The following USO1 variants were observed in gnomAD, a reference collection of about 807,000 sequenced individuals.
The protein encoded by USO1 is general vesicular transport factor p115.
In USO1, 57 loss-of-function variants were observed where a neutral mutation model predicts 124.5. The ratio of observed to expected loss-of-function variants is 0.46; its 90% CI spans 0.37 to 0.57. USO1 has a LOEUF of 0.57. Ranked by LOEUF, USO1 falls within the 20% of genes least tolerant of loss-of-function variation. The pLI, the probability that USO1 is intolerant of heterozygous loss-of-function variation, is 0.00. For missense variants in USO1, 900 were observed against 1,040.6 expected (o/e 0.86, Z 1.86); for synonymous variants, 369 against 362.8 (o/e 1.02, Z -0.19).
At position 75,805,173 on chromosome 4, in the gene USO1, AG is replaced by A; in HGVS notation, c.2164del (p.Ala722LeufsTer3). 1 of 1,609,572 alleles carries A rather than the reference AG, an allele frequency of 6.2e-7. No individual in the cohort carries two copies. Among genetic ancestry groups the A allele is most frequent in the Non-Finnish European group, 8.5e-7 (1 of 1,178,056 alleles). ...AATCAGCATCAAGGTTCTTACAGTG[AG>A]GGGGCTCAGATGAATGGCATTCAGC... is the stretch of plus-strand genomic sequence containing the variant. ...KDNQHQGSYSEGAQMNGIQPE... is the reference protein window; with the variant it reads ...KDNQHQGSYSXGAQMNGIQPE... On this transcript the variant is annotated frameshift_variant, in exon 19 of 24. Transcript: ENST00000514213. LOFTEE classifies it high-confidence loss of function.
chr4:75,747,900 CTTTTTTTTTTTTT>C (rs34689475), intron 1 of USO1, among the ~76,000 whole-genome samples: 3 of 44,288 alleles, frequency 6.8e-5, no homozygotes, highest in African/African-American at 1.8e-4. Flanking sequence ...CTCACCTGGC[CTTTTTTTTTTTTT>C]TTTTTTTTTT....
At chr4:75,727,786 A>G (rs572158911) in intron 1 of USO1, among the ~76,000 whole-genome samples, 1 of 152,076 alleles carries the variant, frequency 6.6e-6, no homozygotes, top group African/African-American at 2.4e-5. Flanking sequence ...CTTTTTTCCA[A>G]TGGAAGGGCT....
chr4:75,738,405 C>T (rs558780052), intron 1 of USO1, among the ~76,000 whole-genome samples: 5 of 151,590 alleles, frequency 3.3e-5, no homozygotes, highest in Non-Finnish European at 5.9e-5. Flanking sequence ...TGCAGTGAGC[C>T]GAGATCACTC....
At chr4:75,749,088 G>A (rs1721222389) in intron 1 of USO1, among the ~76,000 whole-genome samples, 1 of 152,098 alleles carries the variant, frequency 6.6e-6, no homozygotes, top group Non-Finnish European at 1.5e-5. Flanking sequence ...AAGAAAGAAT[G>A]TAAAGCTAGG....
intron 1 of USO1, among the ~76,000 whole-genome samples, chr4:75,747,796 T>C (rs1366472800): frequency 6.6e-6 from 1 of 150,844 alleles, no homozygotes; most frequent in Non-Finnish European, 1.5e-5. Flanking sequence ...TTTTTTTTTT[T>C]AGTAGAGATG....
Position 75,812,116 on chromosome 4 carries a change from G to A in USO1, c.2584-44G>A, listed in dbSNP as rs563370952. 3.1e-5 allele frequency: 48 copies of A among 1,554,518 alleles called. No individual in the cohort carries two copies. In the South Asian group the frequency reaches 5.4e-4, roughly 17 times the overall value. ...TATTTGTTAAAAACTCTAGGAAAGT[G>A]AGTGCTAATTTTAGATTCCTGCCTT... On this transcript the variant is annotated intron_variant, in intron 22 of 23. Coordinates refer to ENST00000514213, the MANE Select transcript of USO1 (RefSeq NM_003715.4).
intron 5 of USO1, 75 bp from the exon 6 acceptor site, chr4:75,770,747 G>A: frequency 3.8e-6 from 6 of 1,564,944 alleles, no homozygotes; most frequent in Non-Finnish European, 4.3e-6. Flanking sequence ...TCTGGTAAAA[G>A]TTATTAGTGG....
chr4:75,809,905 A>G (rs1407348458), intron 21 of USO1, among the ~76,000 whole-genome samples: 1 of 152,174 alleles, frequency 6.6e-6, no homozygotes, highest in African/African-American at 2.4e-5. Flanking sequence ...AGCTACTTCC[A>G]CATTTTTAGA....
At chr4:75,806,983 G>A (rs1723016678) in intron 20 of USO1, among the ~76,000 whole-genome samples, 1 of 152,016 alleles carries the variant, frequency 6.6e-6, no homozygotes. Context: ...AATTGGAAAA[G>A]AGAAGAAAGG....
Position 75,810,478 on chromosome 4 carries a change from C to G in USO1, c.2522C>G (p.Thr841Ser). 2 of 1,612,980 alleles carry G rather than the reference C, an allele frequency of 1.2e-6. No homozygotes were observed. The highest frequency in any genetic ancestry group is 1.7e-6 in the Non-Finnish European group (2 of 1,179,568). ...VQGETETIIA[T>S]KTTDVEGRLS... ...GGAGAGACCGAGACTATAATAGCCA[C>G]CAAAACTACTGATGTAGAAGGAAGA... The change falls in exon 22 of 24, where the codon ACC becomes AGC. Residue 841 changes from threonine (T) to serine (S), a missense_variant. By Grantham distance (58) the Thr-to-Ser change is moderately conservative (BLOSUM62 1). Around this residue, in one of 2 missense-constraint regions of USO1, gnomAD observed 362 missense variants for 359.0 expected, o/e 1.01. Coordinates refer to ENST00000514213, the MANE Select transcript of USO1 (RefSeq NM_003715.4).
intron 20 of USO1, 123 bp from the exon 21 acceptor site, chr4:75,808,830 C>A: frequency 2.6e-6 from 3 of 1,136,662 alleles, no homozygotes; most frequent in Non-Finnish European, 2.4e-6. Flanking sequence ...AAGAATAGTT[C>A]TTTAGAGTTA....
intron 1 of USO1, among the ~76,000 whole-genome samples, chr4:75,741,480 A>G (rs1229097507): frequency 6.6e-6 from 1 of 152,058 alleles, no homozygotes. Context: ...AAAGTTTTAA[A>G]CTTTTTTTAA....
chr4:75,751,867 T>C (rs1394998460), intron 1 of USO1, among the ~76,000 whole-genome samples: 1 of 152,098 alleles, frequency 6.6e-6, no homozygotes, highest in Non-Finnish European at 1.5e-5. Context: ...TTCTATAAAT[T>C]ATTTTATAAT....
chr4:75,807,663 A>G (rs1340076358), intron 20 of USO1, among the ~76,000 whole-genome samples: 1 of 149,860 alleles, frequency 6.7e-6, no homozygotes, highest in Non-Finnish European at 1.5e-5. Flanking sequence ...GAAGATTAAT[A>G]TGCTCTTTTG....
At position 75,806,571 on chromosome 4, in the gene USO1, A is replaced by G; in HGVS notation, c.2375A>G (p.Gln792Arg). The change falls in exon 20 of 24, where the codon CAG (glutamine) becomes CGG (arginine). Residue 792 changes from glutamine to arginine, a missense_variant and splice_region_variant. Physicochemically the swap from Gln to Arg is conservative, Grantham distance 43. Coordinates refer to ENST00000514213, the MANE Select transcript of USO1 (RefSeq NM_003715.4). ...RDSEQVAELK[Q>R]ELATLKSQLN... ...TCTGAACAAGTTGCAGAATTAAAAC[A>G]GGTAATTTTCCACTTTGATCCAATT... is the stretch of plus-strand genomic sequence containing the variant. 1.9e-6 allele frequency: 3 copies of G among 1,553,126 alleles called. No homozygotes were observed. The highest frequency in any genetic ancestry group is 2.4e-5 in the East Asian group (1 of 41,232).
intron 22 of USO1, among the ~76,000 whole-genome samples, chr4:75,810,967 G>A (rs995866427): frequency 4.6e-5 from 7 of 152,046 alleles, no homozygotes; most frequent in African/African-American, 1.2e-4. Flanking sequence ...TTGACCTCGT[G>A]ATCCACCTGC....
At position 75,724,842 on chromosome 4, in the gene USO1, TG is replaced by T; in HGVS notation, c.29del (p.Gly10ValfsTer21). On this transcript the variant is annotated frameshift_variant, in exon 1 of 24. Transcript: ENST00000514213. LOFTEE classifies it high-confidence loss of function. ...AAGATGAATTTCCTCCGCGGGGTAA[TG>T]GGGGGTCAGAGTGCCGGACCCCAGC... Reference protein sequence around the residue: MNFLRGVMGGQSAGPQHT... With the variant: MNFLRGVXGGQSAGPQHT... 1 of 1,612,528 alleles carries T rather than the reference TG, an allele frequency of 6.2e-7. No individual in the cohort carries two copies. Among genetic ancestry groups the T allele is most frequent in the Non-Finnish European group, 8.5e-7 (1 of 1,179,458 alleles).
intron 1 of USO1, among the ~76,000 whole-genome samples, chr4:75,737,816 CATTATTATTATT>C (rs201525951): frequency 6.6e-6 from 1 of 150,916 alleles, no homozygotes; most frequent in African/African-American, 2.4e-5. Context: ...AAATATAATA[CATTATTATTATT>C]ATTATTATTG....
At chr4:75,800,562 ATGTTT>A in intron 15 of USO1, 51 bp from the exon 16 acceptor site, 1 of 1,420,314 alleles carries the variant, frequency 7.0e-7, no homozygotes, top group East Asian at 2.6e-5. Context: ...CCAAGCTTTT[ATGTTT>A]TGTTTTGATT....
Sources: gnomAD v4.1 joint callset for allele counts (sites outside exome capture counted in the v4.1 genomes callset) on GRCh38, gnomAD v4.1.1 for gene constraint, gnomAD v4.1.1 regional missense constraint, MANE v1.5 for transcripts, NCBI Gene and HGNC (gene_info 2026-07-23, HGNC 2026-07-21) for gene names.